Variants in WDR47 observed in about 807,000 individuals in gnomAD.
WDR47 encodes the protein WD repeat domain 47, also known as WD repeat-containing protein 47.
Under a neutral mutation model 97.2 loss-of-function variants are expected in WDR47, and 32 were observed. That is an observed-to-expected ratio of 0.33 (90% CI 0.25 to 0.44). The LOEUF is 0.44. WDR47 is among the 20% of genes least tolerant of loss of function. WDR47 has a pLI of 1.00. For synonymous variants in WDR47, 375 were observed against 373.5 expected (o/e 1.00, Z -0.05); for missense variants, 782 against 1,102.3 (o/e 0.71, Z 4.11).
intron 4 of WDR47, among the ~76,000 whole-genome samples, chr1:109,012,513 C>T (rs547814713): frequency 7.5e-6 from 1 of 132,664 alleles, no homozygotes; most frequent in East Asian, 2.4e-4. Context: ...GCAGAGGTTA[C>T]AGTGAGCTGA....
At chr1:109,040,840 A>G (rs1174528981) in intron 1 of WDR47, among the ~76,000 whole-genome samples, 1 of 152,212 alleles carries the variant, frequency 6.6e-6, no homozygotes, top group Non-Finnish European at 1.5e-5. Context: ...ACTGTGAAAA[A>G]AAGATTTATA....
chr1:108,991,224 A>G (rs1659324715), intron 9 of WDR47, 30 bp downstream of exon 9: 1 of 1,584,296 alleles, frequency 6.3e-7, no homozygotes, highest in African/African-American at 1.4e-5. Flanking sequence ...GCATATGAAA[A>G]CAATAAAACT....
In WDR47 at chr1:108,983,494, G is replaced by A. The variant is rs145042496; in HGVS notation, c.1926-43C>T. 9.5e-4 allele frequency: 1,409 copies of A among 1,490,980 alleles called. 19 individuals are homozygous for A. The East Asian group carries it at 0.031, about 33-fold the overall frequency. The allele number at this position is 1,490,980 out of a possible 1,614,324, so 92.4% of individuals were successfully genotyped here. A position where few individuals can be genotyped will look rare whatever the true frequency, so the allele number is the denominator to read the frequency against. ...AGAAATATATTTCAATTTCTTGCTT[G>A]CTACAATCAGTTATGAGGTTCCATA... On this transcript the variant is annotated intron_variant, in intron 10 of 14. Coordinates refer to ENST00000369962, the MANE Select transcript of WDR47 (RefSeq NM_001142551.2).
chr1:108,971,243 TG>T lies in WDR47; in HGVS notation c.*186del, dbSNP rs1375670940. 2.8e-6 allele frequency: 2 copies of T among 724,546 alleles called. No individual in the cohort carries two copies. Among genetic ancestry groups the T allele is most frequent in the Non-Finnish European group, 4.3e-6 (2 of 460,514 alleles). 44.9% of individuals were successfully genotyped at this position (724,546 alleles called of 1,614,324 possible). On this transcript the variant is annotated 3_prime_UTR_variant, in exon 15 of 15. Transcript: ENST00000369962. ...CAGGTCACAGCAGCACGAGCTCACA[TG>T]GAAGACTGAAAGCACTGCGGAATAA...
chr1:109,035,092 AAC>A (rs1268339936), intron 1 of WDR47, among the ~76,000 whole-genome samples: 9 of 150,948 alleles, frequency 6.0e-5, no homozygotes, highest in Non-Finnish European at 7.4e-5. Flanking sequence ...AAAAAAAAAA[AAC>A]AATTAGCCAG....
intron 1 of WDR47, among the ~76,000 whole-genome samples, chr1:109,026,099 T>A (rs1003885476): frequency 6.6e-6 from 1 of 151,800 alleles, no homozygotes; most frequent in Admixed American, 6.6e-5. Flanking sequence ...TAGGTTAGAG[T>A]GCAGTTGCAT....
At chr1:109,016,470 A>C (rs1202508255) in intron 3 of WDR47, among the ~76,000 whole-genome samples, 1 of 152,150 alleles carries the variant, frequency 6.6e-6, no homozygotes, top group Non-Finnish European at 1.5e-5. Flanking sequence ...GGACGACGTC[A>C]CAGTAGGAAA....
Position 108,971,041 on chromosome 1 carries a change from T to A in WDR47, c.*389A>T, listed in dbSNP as rs1366315893. The A allele has an allele frequency of 6.3e-6, 1 of 158,710 alleles. No individual in the cohort carries two copies. Among genetic ancestry groups the A allele is most frequent in the African/African-American group, 2.4e-5 (1 of 41,648 alleles). The allele number at this position is 158,710 out of a possible 1,614,324, so 9.8% of individuals were successfully genotyped here. ...TGGGAGGAACTTGGTTGCATTACAT[T>A]TAATAATATAGTTGAAGTATAATTC... On this transcript the variant is annotated 3_prime_UTR_variant, in exon 15 of 15. Transcript: ENST00000369962.
intron 7 of WDR47, among the ~76,000 whole-genome samples, chr1:109,001,762 T>C (rs1660208788): frequency 1.3e-5 from 2 of 152,008 alleles, no homozygotes; most frequent in South Asian, 2.1e-4. Context: ...TGTGGTGGTA[T>C]ATGCTGTAGC....
chr1:109,038,992 A>G (rs1663149832), intron 1 of WDR47, among the ~76,000 whole-genome samples: 1 of 138,902 alleles, frequency 7.2e-6, no homozygotes, highest in Non-Finnish European at 1.7e-5. Flanking sequence ...TAATAACAAT[A>G]ATAATAAATA....
intron 1 of WDR47, among the ~76,000 whole-genome samples, chr1:109,028,362 G>GTTGTTT (rs1553237189): frequency 2.5e-5 from 2 of 79,788 alleles, no homozygotes; most frequent in East Asian, 4.4e-4. Flanking sequence ...TTTTTGTTGG[G>GTTGTTT]TTTTTTTTTT....
At chr1:109,003,028 G>C (rs369555508) in intron 6 of WDR47, among the ~76,000 whole-genome samples, 1 of 152,194 alleles carries the variant, frequency 6.6e-6, no homozygotes, top group Non-Finnish European at 1.5e-5. Context: ...AAAGACACCT[G>C]CAAGTGTATG....
intron 2 of WDR47, among the ~76,000 whole-genome samples, chr1:109,021,854 ATTAT>A (rs1268489940): frequency 4.6e-5 from 7 of 151,444 alleles, no homozygotes; most frequent in South Asian, 2.1e-4. Flanking sequence ...TATTTAATTT[ATTAT>A]TTATTTATTT....
At chr1:108,979,152 G>A (rs1052795988) in intron 13 of WDR47, among the ~76,000 whole-genome samples, 1 of 152,168 alleles carries the variant, frequency 6.6e-6, no homozygotes, top group African/African-American at 2.4e-5. Context: ...CTCTGAAATG[G>A]AGAAAAGTGG....
intron 7 of WDR47, 128 bp from the exon 8 acceptor site, chr1:108,995,965 T>C (rs1659721662): frequency 4.2e-6 from 4 of 963,050 alleles, no homozygotes; most frequent in East Asian, 2.6e-5. Context: ...AAATTTAGTG[T>C]TAAAAATTAC....
chr1:109,034,216 A>G (rs1019010288), intron 1 of WDR47, among the ~76,000 whole-genome samples: 1 of 152,228 alleles, frequency 6.6e-6, no homozygotes, highest in African/African-American at 2.4e-5. Context: ...TGAACCCAGG[A>G]GGCGGAGGTT....
chr1:109,013,421 TA>T (rs1477458157), intron 4 of WDR47, among the ~76,000 whole-genome samples: 1 of 151,716 alleles, frequency 6.6e-6, no homozygotes, highest in East Asian at 1.9e-4. Flanking sequence ...TCATTAAATT[TA>T]AATAGTCATG....
rs769654848 is a variant in WDR47 at position 108,974,729 on chromosome 1, T to C, written c.2424A>G (p.Val808=). 9 of 1,612,442 alleles carry C rather than the reference T, an allele frequency of 5.6e-6. No individual in the cohort carries two copies. Among genetic ancestry groups the C allele is most frequent in the East Asian group, 2.2e-5 (1 of 44,870 alleles). The change falls in exon 14 of 15, where the codon GTA becomes GTG. Residue 808 remains valine, a synonymous_variant. Coordinates refer to ENST00000369962, the MANE Select transcript of WDR47 (RefSeq NM_001142551.2). ...TGGCTAAGAGACGACCACTGGGATC[T>C]ACAGCTACAGATGCCACTGCACTGC... ...GTGSAVASVA[V]DPSGRLLATG...
At chr1:108,977,972 G>A (rs1200100360) in intron 13 of WDR47, among the ~76,000 whole-genome samples, 6 of 138,890 alleles carry the variant, frequency 4.3e-5, no homozygotes, top group Non-Finnish European at 7.7e-5. Flanking sequence ...TGACAAAAGC[G>A]AAACACTCTC....
Sources: allele counts gnomAD v4.1 joint callset (sites outside exome capture counted in the v4.1 genomes callset), GRCh38; gene constraint gnomAD v4.1.1; transcripts MANE v1.5; gene names NCBI Gene and HGNC (gene_info 2026-07-23, HGNC 2026-07-21).